SDK1: variants seen among roughly 807,000 people sequenced by gnomAD.
The protein encoded by SDK1 is sidekick cell adhesion molecule 1.
Under a neutral mutation model 245.5 loss-of-function variants are expected in SDK1, and 157 were observed. That is an observed-to-expected ratio of 0.64 (90% CI 0.56 to 0.73). The LOEUF (loss-of-function observed/expected upper bound fraction) is 0.73, where lower values mean the gene tolerates loss of function less well. SDK1 is among the 30% of genes least tolerant of loss of function. SDK1 has a pLI of 0.00. For synonymous variants in SDK1, 1,647 were observed against 1,278.5 expected (o/e 1.29, Z -6.15); for missense variants, 3,583 against 3,002.3 (o/e 1.19, Z -4.52).
intron 4 of SDK1, among the ~76,000 whole-genome samples, chr7:3,727,410 T>C (rs1258900244): frequency 6.6e-6 from 1 of 152,204 alleles, no homozygotes; most frequent in African/African-American, 2.4e-5. Flanking sequence ...CATCAGCTTG[T>C]CACCACCAAA....
At chr7:3,453,804 C>T (rs1433878358) in intron 1 of SDK1, among the ~76,000 whole-genome samples, 5 of 152,112 alleles carry the variant, frequency 3.3e-5, no homozygotes, top group East Asian at 1.9e-4. Flanking sequence ...TGGTCTCAAG[C>T]GATCCTCCTG....
At chr7:3,312,100 A>G (rs571288119) in intron 1 of SDK1, among the ~76,000 whole-genome samples, 1 of 152,308 alleles carries the variant, frequency 6.6e-6, no homozygotes, top group South Asian at 2.1e-4. Context: ...GGTTGTGATC[A>G]TTAGGAATAA....
intron 5 of SDK1, among the ~76,000 whole-genome samples, chr7:3,923,425 G>C (rs1367196765): frequency 3.4e-4 from 51 of 152,174 alleles, no homozygotes; most frequent in Non-Finnish European, 1.5e-5. Flanking sequence ...TCCTTTCCCT[G>C]TTTGTTTTAA....
chr7:3,814,037 G>A (rs561046260), intron 4 of SDK1, among the ~76,000 whole-genome samples: 20 of 119,382 alleles, frequency 1.7e-4, no homozygotes, highest in Admixed American at 7.3e-4. Context: ...AGTAGGTTGC[G>A]AAAATTTTCT....
chr7:4,215,562 G>A (rs981042684), intron 38 of SDK1, among the ~76,000 whole-genome samples: 4 of 152,234 alleles, frequency 2.6e-5, no homozygotes, highest in Non-Finnish European at 5.9e-5. Flanking sequence ...GGGCCACCTG[G>A]GCCAGCCAAC....
intron 1 of SDK1, among the ~76,000 whole-genome samples, chr7:3,604,163 G>A (rs1467181113): frequency 1.3e-5 from 2 of 152,180 alleles, no homozygotes; most frequent in East Asian, 1.9e-4. Flanking sequence ...TTGTGTCTCT[G>A]CCAGGCTTTG....
rs150888497 is a variant in SDK1, at chr7:3,312,181, T to C, written c.298+10297T>C. On this transcript the variant is annotated intron_variant, in intron 1 of 44. Coordinates refer to ENST00000404826, the MANE Select transcript of SDK1 (RefSeq NM_152744.4). ...GATTCAAATTTAACATTTCTTATAG[T>C]GCAACTAACCTTCAAGCTGAGACAA... Among the ~76,000 whole-genome samples, 1,203 of 152,270 alleles carry C rather than the reference T, an allele frequency of 7.9e-3. 16 individuals are homozygous for C. The highest frequency in any genetic ancestry group is 0.028 in the African/African-American group (1,171 of 41,542).
chr7:3,356,326 A>C (rs1780793810), intron 1 of SDK1, among the ~76,000 whole-genome samples: 1 of 152,158 alleles, frequency 6.6e-6, no homozygotes, highest in African/African-American at 2.4e-5. Flanking sequence ...ACTGTAAAAT[A>C]AACATCTGGG....
rs373477401 is a variant in SDK1, at chr7:3,725,117, G to T, written c.713+83012G>T. Among the ~76,000 whole-genome samples, 13 of 152,322 alleles carry T rather than the reference G, an allele frequency of 8.5e-5. No individual in the cohort carries two copies. In the East Asian group the frequency reaches 2.5e-3, roughly 29 times the overall value. On this transcript the variant is annotated intron_variant, in intron 4 of 44. Coordinates refer to ENST00000404826, the MANE Select transcript of SDK1 (RefSeq NM_152744.4). The stretch of plus-strand genomic sequence containing the variant: ...ATCTACAGAGCTGAATCCTTTTTCA[G>T]TAGATAGAGGAAGTAACTTTCTGAA...
chr7:4,265,027 C>A, intron 44 of SDK1, 97 bp from the exon 45 acceptor site: 1 of 1,517,266 alleles, frequency 6.6e-7, no homozygotes, highest in Non-Finnish European at 8.8e-7. Flanking sequence ...CGACACACGC[C>A]CCTGGGGAGG....
chr7:3,353,456 C>T (rs932847111), intron 1 of SDK1, among the ~76,000 whole-genome samples: 6 of 152,124 alleles, frequency 3.9e-5, no homozygotes, highest in African/African-American at 1.2e-4. Flanking sequence ...TTCAAATGAG[C>T]TGAGTTACAT....
rs561329123 is a variant in SDK1 at position 4,245,059 on chromosome 7, C to T, written c.6252-617C>T. Among the ~76,000 whole-genome samples, 146 of 152,324 alleles carry T rather than the reference C, an allele frequency of 9.6e-4. 1 individual carries two copies. Among genetic ancestry groups the T allele is most frequent in the African/African-American group, 3.4e-3 (143 of 41,570 alleles). On this transcript the variant is annotated intron_variant, in intron 43 of 44. Coordinates refer to ENST00000404826, the MANE Select transcript of SDK1 (RefSeq NM_152744.4). Reference sequence around the variant, plus strand: ...ATTCCATTTAATGTAACCGAGTCTTCAGTCTGCCATGTTCCACTGGTTAGA... The same window carrying T: ...ATTCCATTTAATGTAACCGAGTCTTTAGTCTGCCATGTTCCACTGGTTAGA...
intron 14 of SDK1, among the ~76,000 whole-genome samples, chr7:3,992,278 G>T (rs1400082203): frequency 6.6e-6 from 1 of 152,226 alleles, no homozygotes; most frequent in Admixed American, 6.5e-5. Context: ...CCCATGTACG[G>T]GACTCAAGGT....
chr7:3,632,673 C>A (rs142243645), intron 2 of SDK1, among the ~76,000 whole-genome samples: 1 of 152,162 alleles, frequency 6.6e-6, no homozygotes, highest in Non-Finnish European at 1.5e-5. Context: ...TAGCTTCCAT[C>A]GTTACCATAC....
chr7:3,474,966 C>G (rs1018285258), intron 1 of SDK1, among the ~76,000 whole-genome samples: 2 of 152,198 alleles, frequency 1.3e-5, no homozygotes, highest in African/African-American at 4.8e-5. Context: ...TCTGGAATTG[C>G]AGGTGTGAGC....
chr7:3,448,629 A>G lies in SDK1; in HGVS notation c.298+146745A>G, dbSNP rs531187659. 2.9e-3 allele frequency among the ~76,000 whole-genome samples: 436 copies of G among 152,270 alleles called. 1 individual carries two copies. Among genetic ancestry groups the G allele is most frequent in the Middle Eastern group, 0.01 (3 of 294 alleles). ...TTTAATTCATCTGGATTTTACTTCT[A>G]TATATGGTGAGATATGTGAGTCAAG... On this transcript the variant is annotated intron_variant, in intron 1 of 44. Transcript: ENST00000404826.
intron 35 of SDK1, among the ~76,000 whole-genome samples, chr7:4,189,317 G>A (rs1012902804): frequency 1.3e-5 from 2 of 152,054 alleles, no homozygotes; most frequent in Non-Finnish European, 2.9e-5. Flanking sequence ...TCTGCCCACC[G>A]CCAATCGCAG....
At chr7:3,374,852 A>G (rs78225871) in intron 1 of SDK1, among the ~76,000 whole-genome samples, 3,367 of 152,212 alleles carry the variant, frequency 0.022, 137 homozygotes, top group African/African-American at 0.076. Flanking sequence ...TTCAGATTGT[A>G]TGCTTTTTTT....
At chr7:3,367,354 G>A (rs974058560) in intron 1 of SDK1, among the ~76,000 whole-genome samples, 4 of 152,086 alleles carry the variant, frequency 2.6e-5, no homozygotes, top group Non-Finnish European at 5.9e-5. Flanking sequence ...AAATAGAAAA[G>A]TTAGGAATTA....
Sources: allele counts gnomAD v4.1 joint callset (sites outside exome capture counted in the v4.1 genomes callset), GRCh38; gene constraint gnomAD v4.1.1; transcripts MANE v1.5; gene names NCBI Gene and HGNC (gene_info 2026-07-23, HGNC 2026-07-21).